CLOCK: variants seen among roughly 807,000 people sequenced by gnomAD.
The protein encoded by CLOCK is circadian locomoter output cycles protein kaput.
Under a neutral mutation model 118.4 loss-of-function variants are expected in CLOCK, and 43 were observed. The observed-to-expected ratio is 0.36, with a 90% CI of 0.28 to 0.47. The LOEUF (loss-of-function observed/expected upper bound fraction) is 0.47, where lower values mean the gene tolerates loss of function less well. CLOCK is among the 20% of genes least tolerant of loss of function. CLOCK has a pLI of 1.00. For missense variants in CLOCK, 846 were observed against 999.9 expected (o/e 0.85, Z 2.08); for synonymous variants, 326 against 339.2 (o/e 0.96, Z 0.43).
chr4:55,446,155 G>A (rs1345856425), intron 18 of CLOCK, among the ~76,000 whole-genome samples: 2 of 141,838 alleles, frequency 1.4e-5, no homozygotes, highest in Non-Finnish European at 3.0e-5. Context: ...ATGCAGTGGT[G>A]TGATCACAGC....
intron 2 of CLOCK, chr4:55,501,730 A>AT (rs1728460474): frequency 6.6e-6 from 1 of 152,182 alleles, no homozygotes; most frequent in Non-Finnish European, 1.5e-5. Flanking sequence ...TTTTAAACCT[A>AT]TTTTTATGGG....
At chr4:55,503,011 G>A (rs1405931974) in intron 2 of CLOCK, among the ~76,000 whole-genome samples, 1 of 152,184 alleles carries the variant, frequency 6.6e-6, no homozygotes, top group Non-Finnish European at 1.5e-5. Flanking sequence ...AAGTGTTGGT[G>A]AGGATGTAGA....
At position 55,503,978 on chromosome 4, in the gene CLOCK, T is replaced by TAAAAGAAAAAAAAAA. The variant is rs1553900254; in HGVS notation, c.-136+5933_-136+5934insTTTTTTTTTTCTTTT. Among the ~76,000 whole-genome samples the TAAAAGAAAAAAAAAA allele has an allele frequency of 6.6e-4, 47 of 71,146 alleles. 9 individuals are homozygous for TAAAAGAAAAAAAAAA. The highest frequency in any genetic ancestry group is 2.6e-3 in the East Asian group (5 of 1,898). The allele number at this position is 71,146 out of a possible 152,430, so 46.7% of individuals were successfully genotyped here. On this transcript the variant is annotated intron_variant, in intron 2 of 22. Coordinates refer to ENST00000513440, the MANE Select transcript of CLOCK (RefSeq NM_004898.4). ...ACAGTTTCTATTTGGCAAAAAGAGG[T>TAAAAGAAAAAAAAAA]AAAAAAAAAAAAAAAAAAAAAAAAA...
At chr4:55,528,801 T>A (rs2035692) in intron 1 of CLOCK, among the ~76,000 whole-genome samples, 46,147 of 152,062 alleles carry the variant, frequency 0.3, 7,621 homozygotes, top group East Asian at 0.58. Context: ...TAAAGACAGT[T>A]AACAAACTGA....
chr4:55,519,049 T>C (rs1577843088), intron 1 of CLOCK, among the ~76,000 whole-genome samples: 1 of 152,222 alleles, frequency 6.6e-6, no homozygotes, highest in Admixed American at 6.5e-5. Context: ...GTCCTGCAAT[T>C]TTATTTTATT....
intron 1 of CLOCK, among the ~76,000 whole-genome samples, chr4:55,530,774 C>CAA (rs60810379): frequency 0.55 from 18,339 of 33,256 alleles, 5,400 homozygotes; most frequent in East Asian, 0.74. Context: ...GACTCCATCG[C>CAA]AAAAAAAAAA....
At position 55,495,737 on chromosome 4, in the gene CLOCK, C is replaced by T. The variant is rs184270637; in HGVS notation, c.-135-6272G>A. Among the ~76,000 whole-genome samples the T allele has an allele frequency of 3.5e-3, 536 of 152,226 alleles. 13 individuals are homozygous for T. Among genetic ancestry groups the T allele is most frequent in the Non-Finnish European group, 9.7e-4 (66 of 68,016 alleles). On this transcript the variant is annotated intron_variant, in intron 2 of 22. Transcript: ENST00000513440. ...CAATTTTGTGTTCCACCCCACCTCCCACTCATTCTGCTAGTGTTACCCCAG... is the reference window on the plus strand; with the variant it reads ...CAATTTTGTGTTCCACCCCACCTCCTACTCATTCTGCTAGTGTTACCCCAG...
chr4:55,519,029 T>C (rs1729690516), intron 1 of CLOCK, among the ~76,000 whole-genome samples: 1 of 152,172 alleles, frequency 6.6e-6, no homozygotes, highest in Non-Finnish European at 1.5e-5. Flanking sequence ...TCCAGATGCT[T>C]ATTATTCAAG....
At chr4:55,545,102 A>G (rs1479680456) in intron 1 of CLOCK, among the ~76,000 whole-genome samples, 1 of 148,244 alleles carries the variant, frequency 6.7e-6, no homozygotes, top group Non-Finnish European at 1.5e-5. Context: ...TCTAGGGTAC[A>G]TGTGCACAAC....
In CLOCK at chr4:55,503,978, T is replaced by TAAAAGAAAAAAAAAAAAAAAAA. The variant is rs1553900254; in HGVS notation, c.-136+5933_-136+5934insTTTTTTTTTTTTTTTTTCTTTT. 3.9e-4 allele frequency among the ~76,000 whole-genome samples: 28 copies of TAAAAGAAAAAAAAAAAAAAAAA among 71,128 alleles called. 3 individuals carry two copies. Among genetic ancestry groups the TAAAAGAAAAAAAAAAAAAAAAA allele is most frequent in the East Asian group, 1.6e-3 (3 of 1,900 alleles). The allele number at this position is 71,128 out of a possible 152,430, so 46.7% of individuals were successfully genotyped here. The stretch of plus-strand genomic sequence containing the variant: ...ACAGTTTCTATTTGGCAAAAAGAGG[T>TAAAAGAAAAAAAAAAAAAAAAA]AAAAAAAAAAAAAAAAAAAAAAAAA... On this transcript the variant is annotated intron_variant, in intron 2 of 22. Coordinates refer to ENST00000513440, the MANE Select transcript of CLOCK (RefSeq NM_004898.4).
intron 11 of CLOCK, among the ~76,000 whole-genome samples, chr4:55,457,071 C>A (rs1473569561): frequency 1.3e-5 from 2 of 152,128 alleles, no homozygotes; most frequent in Non-Finnish European, 2.9e-5. Context: ...GGGTACTTCT[C>A]ACTCTACACA....
chr4:55,435,465 G>T lies in CLOCK; in HGVS notation c.2491C>A (p.Arg831=). The change falls in exon 23 of 23, where the codon CGG becomes AGG. Residue 831 remains arginine, a synonymous_variant. Transcript: ENST00000513440. ...HQSQQQQQLS[R]HRTDSLPDPS... is the part of the protein sequence containing the mutation. ...TCGGGCAAGCTGTCAGTCCTGTGCC[G>T]GCTGAGTTGCTGCTGTTGCTGAGAC... The T allele has an allele frequency of 6.2e-7, 1 of 1,614,014 alleles. No homozygotes were observed. Among genetic ancestry groups the T allele is most frequent in the Non-Finnish European group, 8.5e-7 (1 of 1,179,926 alleles).
chr4:55,532,964 CAA>C (rs1439203890), intron 1 of CLOCK, among the ~76,000 whole-genome samples: 1 of 152,034 alleles, frequency 6.6e-6, no homozygotes, highest in African/African-American at 2.4e-5. Context: ...TAAAAGAAAT[CAA>C]AGAGAGAATA....
At chr4:55,542,019 C>T (rs1361568078) in intron 1 of CLOCK, among the ~76,000 whole-genome samples, 2 of 146,644 alleles carry the variant, frequency 1.4e-5, no homozygotes, top group African/African-American at 4.9e-5. Context: ...CTTATAAAAT[C>T]TATCATTTTC....
chr4:55,508,991 G>C (rs368882801), intron 2 of CLOCK, among the ~76,000 whole-genome samples: 1 of 152,130 alleles, frequency 6.6e-6, no homozygotes, highest in African/African-American at 2.4e-5. Flanking sequence ...ACACCTAGAC[G>C]ATCTGGAATA....
intron 1 of CLOCK, among the ~76,000 whole-genome samples, chr4:55,524,515 C>T (rs762361398): frequency 6.6e-5 from 10 of 152,132 alleles, no homozygotes; most frequent in Non-Finnish European, 8.8e-5. Flanking sequence ...TATAATTCTT[C>T]ATGCATTGAT....
Position 55,479,658 on chromosome 4 carries a change from T to A in CLOCK, c.89A>T (p.Asp30Val), listed in dbSNP as rs1431730935. The change falls in exon 5 of 23, where the codon GAC (aspartate) becomes GTC (valine). Residue 30 changes from aspartate to valine, a missense_variant. Asp to Val is a radical substitution (Grantham distance 152). Transcript: ENST00000513440. ...SIFDGLVEED[D>V]KDKAKRVSRN... ...AAACTACCTTTTCGCTTTGTCCTTGTCATCTTCTTCCACCAACCCATCAAA... is the reference window on the plus strand; with the variant it reads ...AAACTACCTTTTCGCTTTGTCCTTGACATCTTCTTCCACCAACCCATCAAA... The A allele has an allele frequency of 6.2e-7, 1 of 1,612,492 alleles. No homozygotes were observed. The highest frequency in any genetic ancestry group is 1.7e-5 in the Admixed American group (1 of 59,980).
chr4:55,464,521 T>C lies in CLOCK; in HGVS notation c.439-716A>G, dbSNP rs146220573. 2.0e-3 allele frequency among the ~76,000 whole-genome samples: 297 copies of C among 152,292 alleles called. 1 individual carries two copies. Among genetic ancestry groups the C allele is most frequent in the African/African-American group, 6.7e-3 (278 of 41,570 alleles). On this transcript the variant is annotated intron_variant, in intron 8 of 22. Coordinates refer to ENST00000513440, the MANE Select transcript of CLOCK (RefSeq NM_004898.4). ...ATTTGCCACTACGCATTCTACCTGG[T>C]TTCCTGCGTTTCAAACTGCTCTGTG...
rs2109620688 is a variant in CLOCK, at chr4:55,435,406, G to A, written c.*9C>T. ...TCCTCCCTTGATGTCAAGAGAGGAA[G>A]CACGTGTGCTACTGTGGTTGAACCT... On this transcript the variant is annotated 3_prime_UTR_variant, in exon 23 of 23. Coordinates refer to ENST00000513440, the MANE Select transcript of CLOCK (RefSeq NM_004898.4). 6.2e-7 allele frequency: 1 copy of A among 1,613,840 alleles called. No homozygotes were observed. The highest frequency in any genetic ancestry group is 2.2e-5 in the East Asian group (1 of 44,860).
Sources: allele counts gnomAD v4.1 joint callset (sites outside exome capture counted in the v4.1 genomes callset), GRCh38; gene constraint gnomAD v4.1.1; transcripts MANE v1.5; gene names NCBI Gene and HGNC (gene_info 2026-07-23, HGNC 2026-07-21).